Variants in WAPL observed in about 807,000 individuals in gnomAD.
The protein encoded by WAPL is WAPL cohesin release factor.
A neutral mutation model predicts 121.0 loss-of-function variants in WAPL; 5 were observed. That is an observed-to-expected ratio of 0.04 (90% CI 0.02 to 0.09). The LOEUF (loss-of-function observed/expected upper bound fraction) is 0.09. WAPL is among the 10% of genes least tolerant of loss of function. WAPL has a pLI of 1.00. For synonymous variants in WAPL, 480 were observed against 481.5 expected, an observed-to-expected ratio of 1.00 and a Z score of 0.04; for missense variants, 999 against 1,410.8, an observed-to-expected ratio of 0.71 and a Z score of 4.68.
At chr10:86,488,088 C>T (rs566450042) in intron 4 of WAPL, among the ~76,000 whole-genome samples, 17 of 151,896 alleles carry the variant, frequency 1.1e-4, no homozygotes, top group Admixed American at 7.9e-4. Flanking sequence ...ATAATGGAAA[C>T]CAGATTTCTC....
chr10:86,498,312 C>A (rs1206221133), intron 3 of WAPL, among the ~76,000 whole-genome samples: 1 of 152,178 alleles, frequency 6.6e-6, no homozygotes, highest in Non-Finnish European at 1.5e-5. Flanking sequence ...TTCTGCCTAG[C>A]CAGATCTTAA....
intron 16 of WAPL, among the ~76,000 whole-genome samples, chr10:86,445,185 A>G (rs1849577608): frequency 6.6e-6 from 1 of 152,222 alleles, no homozygotes; most frequent in Admixed American, 6.5e-5. Flanking sequence ...GTATTTGCAT[A>G]TAAGTCACAC....
chr10:86,499,516 A>C (rs1842206257), intron 3 of WAPL, among the ~76,000 whole-genome samples: 1 of 152,210 alleles, frequency 6.6e-6, no homozygotes, highest in Non-Finnish European at 1.5e-5. Flanking sequence ...GCACAGTAAG[A>C]GATTAGCAAT....
At chr10:86,511,241 G>A (rs1842458937) in intron 2 of WAPL, among the ~76,000 whole-genome samples, 1 of 152,160 alleles carries the variant, frequency 6.6e-6, no homozygotes, top group Admixed American at 6.5e-5. Context: ...GAGCCCAGGA[G>A]TTTGAGGCCA....
At chr10:86,441,964 C>T (rs1469382543) in intron 17 of WAPL, among the ~76,000 whole-genome samples, 1 of 152,230 alleles carries the variant, frequency 6.6e-6, no homozygotes, top group African/African-American at 2.4e-5. Flanking sequence ...AGGTTTCATA[C>T]TATCCCTTCT....
Position 86,516,469 on chromosome 10 carries a change from C to T in WAPL, c.499+1102G>A, listed in dbSNP as rs576936803. 1.8e-4 allele frequency among the ~76,000 whole-genome samples: 28 copies of T among 152,254 alleles called. No individual in the cohort carries two copies. The South Asian group carries it at 5.4e-3, about 29-fold the overall frequency. The stretch of plus-strand genomic sequence containing the variant: ...GCCAAGTTTTGTCTGTGTTTACTTC[C>T]TTTCAAAATAGGAGATTTTTATAAC... On this transcript the variant is annotated intron_variant, in intron 2 of 18. Coordinates refer to ENST00000298767, the MANE Select transcript of WAPL (RefSeq NM_015045.5).
In WAPL at chr10:86,497,289, C is replaced by T. The variant is rs1251228892; in HGVS notation, c.1556G>A (p.Gly519Asp). 4 of 1,610,454 alleles carry T rather than the reference C, an allele frequency of 2.5e-6. No individual in the cohort carries two copies. In the Admixed American group the frequency reaches 6.8e-5, roughly 27 times the overall value. Residue 519 changes from glycine to aspartate, a missense_variant, in exon 4 of 19, where the codon GGT (glycine) becomes GAT (aspartate). This residue lies in a region of WAPL where 531 missense variants were observed against 563.1 expected (regional missense o/e 0.94). Transcript: ENST00000298767. ...ENLDFTEDLP[G>D]VPESVKKPIN... The stretch of plus-strand genomic sequence containing the variant: ...GGGCTTCTTCACACTTTCAGGCACA[C>T]CAGGCAAGTCCTCTGTAAAATCCAA...
At chr10:86,503,197 C>CG (rs1167387082) in intron 2 of WAPL, among the ~76,000 whole-genome samples, 1 of 150,688 alleles carries the variant, frequency 6.6e-6, no homozygotes, top group African/African-American at 2.4e-5. Context: ...TGGCTGGGCG[C>CG]GGGGGCTCAC....
intron 4 of WAPL, among the ~76,000 whole-genome samples, chr10:86,495,549 G>C (rs778541681): frequency 4.0e-5 from 6 of 151,776 alleles, no homozygotes; most frequent in East Asian, 1.9e-4. Flanking sequence ...CGATCTAAAC[G>C]TAACGACCTA....
intron 2 of WAPL, among the ~76,000 whole-genome samples, chr10:86,501,555 C>T (rs1488611760): frequency 6.6e-6 from 1 of 152,182 alleles, no homozygotes; most frequent in African/African-American, 2.4e-5. Flanking sequence ...AATAAAATTA[C>T]TTCTACAAAA....
At chr10:86,452,368 G>A (rs914668537) in intron 14 of WAPL, among the ~76,000 whole-genome samples, 3 of 152,036 alleles carry the variant, frequency 2.0e-5, no homozygotes, top group Admixed American at 6.5e-5. Context: ...AAGGTAGGTG[G>A]ATCACTTGAG....
chr10:86,489,885 G>GAAAAA (rs11429174), intron 4 of WAPL, among the ~76,000 whole-genome samples: 2 of 135,516 alleles, frequency 1.5e-5, no homozygotes, highest in African/African-American at 5.6e-5. Context: ...GTTTTGCCTT[G>GAAAAA]AAAAAAAAAA....
chr10:86,509,039 G>A (rs1030185893), intron 2 of WAPL, among the ~76,000 whole-genome samples: 12 of 152,268 alleles, frequency 7.9e-5, no homozygotes, highest in African/African-American at 2.4e-4. Context: ...CACCGCGCCC[G>A]GCCAGTATTG....
At chr10:86,478,804 A>T (rs1841719090) in intron 4 of WAPL, among the ~76,000 whole-genome samples, 1 of 152,174 alleles carries the variant, frequency 6.6e-6, no homozygotes, top group Non-Finnish European at 1.5e-5. Flanking sequence ...ACTATAAACC[A>T]GAGGAAAAGG....
In WAPL at chr10:86,500,354, A is replaced by G. The variant is rs1265575142; in HGVS notation, c.889T>C (p.Cys297Arg). Residue 297 changes from cysteine to arginine, a missense_variant, in exon 3 of 19, where the codon TGT becomes CGT. Transcript: ENST00000298767. ...GAGGATTTCGTTTTATTGGCCCTAC[A>G]GTACGTCCTACAGTTGGTTGGCCTA... Reference protein sequence around the residue: ...VLRPTNCRTYCRANKTKSSQG... With the variant: ...VLRPTNCRTYRRANKTKSSQG... 1 of 1,614,204 alleles carries G rather than the reference A, an allele frequency of 6.2e-7. No individual in the cohort carries two copies. Among genetic ancestry groups the G allele is most frequent in the Non-Finnish European group, 8.5e-7 (1 of 1,180,026 alleles).
At chr10:86,478,026 C>T (rs1203551370) in intron 4 of WAPL, among the ~76,000 whole-genome samples, 1 of 150,200 alleles carries the variant, frequency 6.7e-6, no homozygotes, top group Non-Finnish European at 1.5e-5. Context: ...TTGCACTCCA[C>T]CCTGAGCAAC....
At chr10:86,507,365 C>CAA (rs34752630) in intron 2 of WAPL, among the ~76,000 whole-genome samples, 52,706 of 77,638 alleles carry the variant, frequency 0.68, 18,600 homozygotes, top group South Asian at 0.8. Flanking sequence ...GACTCTGTCT[C>CAA]AAAAAAAAAA....
chr10:86,446,113 T>G (rs1469762920), intron 16 of WAPL, 129 bp downstream of exon 16: 5 of 987,090 alleles, frequency 5.1e-6, no homozygotes, highest in Non-Finnish European at 7.5e-6. Flanking sequence ...AAAGCTTGTC[T>G]GGACTGAACT....
chr10:86,511,342 G>A (rs1842459894), intron 2 of WAPL, among the ~76,000 whole-genome samples: 1 of 152,158 alleles, frequency 6.6e-6, no homozygotes, highest in African/African-American at 2.4e-5. Flanking sequence ...AGAGACAAGA[G>A]GGAATCCATA....
Sources: gnomAD v4.1 joint callset for allele counts (sites outside exome capture counted in the v4.1 genomes callset) on GRCh38, gnomAD v4.1.1 for gene constraint, gnomAD v4.1.1 regional missense constraint, MANE v1.5 for transcripts, NCBI Gene and HGNC (gene_info 2026-07-23, HGNC 2026-07-21) for gene names.